Variants in SDK2 observed in about 807,000 individuals in gnomAD.
SDK2 encodes the protein protein sidekick-2.
A neutral mutation model predicts 253.9 loss-of-function variants in SDK2; 105 were observed. That is an observed-to-expected ratio of 0.41 (90% CI 0.35 to 0.49). The LOEUF is 0.49. SDK2 is among the 20% of genes least tolerant of loss of function. SDK2 has a pLI of 0.06. For missense variants in SDK2, 2,608 were observed against 3,003.0 expected (o/e 0.87, Z 3.07); for synonymous variants, 1,249 against 1,234.9 (o/e 1.01, Z -0.24).
At chr17:73,587,514 C>T (rs752889706) in intron 1 of SDK2, among the ~76,000 whole-genome samples, 1 of 152,240 alleles carries the variant, frequency 6.6e-6, no homozygotes, top group Non-Finnish European at 1.5e-5. Flanking sequence ...GTGGCTCGGG[C>T]CATCTCTGCA....
Position 73,383,755 on chromosome 17 carries a change from T to G in SDK2, c.4705+121A>C. ...GGATGGGAGGAGGGAGAGGCACACATGGAGGAGGGAGGCAAGGTTTCAGGT... is the reference window on the plus strand; with the variant it reads ...GGATGGGAGGAGGGAGAGGCACACAGGGAGGAGGGAGGCAAGGTTTCAGGT... On this transcript the variant is annotated intron_variant, in intron 33 of 44. Transcript: ENST00000392650. The surrounding 1 kb of genome is among the most constrained non-coding windows in gnomAD (Gnocchi z 4.3). The G allele has an allele frequency of 8.4e-7, 1 of 1,186,836 alleles. No individual in the cohort carries two copies. The highest frequency in any genetic ancestry group is 1.2e-6 in the Non-Finnish European group (1 of 826,110). The allele number at this position is 1,186,836 out of a possible 1,614,324, so 73.5% of individuals were successfully genotyped here. A position where few individuals can be genotyped will look rare whatever the true frequency, so the allele number is the denominator to read the frequency against.
At chr17:73,563,446 C>G (rs996870861) in intron 1 of SDK2, among the ~76,000 whole-genome samples, 1 of 152,104 alleles carries the variant, frequency 6.6e-6, no homozygotes, top group Non-Finnish European at 1.5e-5. Context: ...GGTGCGGTGG[C>G]ACACGGCTGT....
chr17:73,521,702 G>A (rs1387844330), intron 1 of SDK2, among the ~76,000 whole-genome samples: 2 of 152,210 alleles, frequency 1.3e-5, no homozygotes, highest in African/African-American at 4.8e-5. Context: ...TTTGCTAGAG[G>A]ATGGGAGTTG....
intron 2 of SDK2, among the ~76,000 whole-genome samples, chr17:73,480,742 G>T (rs1204452665): frequency 6.6e-6 from 1 of 152,078 alleles, no homozygotes; most frequent in Non-Finnish European, 1.5e-5. Context: ...CAGAGTCAGA[G>T]AAAGAGACAA....
intron 1 of SDK2, among the ~76,000 whole-genome samples, chr17:73,512,154 G>A (rs559683435): frequency 1.3e-5 from 2 of 152,254 alleles, no homozygotes; most frequent in South Asian, 4.2e-4. Context: ...CCTTGAGAAA[G>A]TTACTTAACC....
Position 73,437,984 on chromosome 17 carries a change from C to G in SDK2, c.896G>C (p.Gly299Ala). 1.3e-6 allele frequency: 2 copies of G among 1,550,958 alleles called. No homozygotes were observed. The highest frequency in any genetic ancestry group is 1.7e-6 in the Non-Finnish European group (2 of 1,146,636). ...CTCACCCAGCACTGAGAGGTAGGCG[C>G]CCCGGACAACAGAGGGGACGCTGCT... is the stretch of plus-strand genomic sequence containing the variant. Reference protein sequence around the residue: ...RSSSVPSVVRGAYLSVLEPPQ... With the variant: ...RSSSVPSVVRAAYLSVLEPPQ... Residue 299 changes from glycine (G) to alanine (A), a missense_variant, in exon 7 of 45, where the codon GGC (glycine) becomes GCC (alanine). Gly to Ala is a moderately conservative substitution (Grantham distance 60). Transcript: ENST00000392650.
rs1403791003 is a variant in SDK2 at position 73,435,392 on chromosome 17, G to A, written c.1195+58C>T. The A allele has an allele frequency of 6.7e-7, 1 of 1,485,544 alleles. No homozygotes were observed. Among genetic ancestry groups the A allele is most frequent in the Non-Finnish European group, 9.1e-7 (1 of 1,103,024 alleles). 92.0% of individuals were successfully genotyped at this position (1,485,544 alleles called of 1,614,324 possible). On this transcript the variant is annotated intron_variant, in intron 9 of 44. Coordinates refer to ENST00000392650, the MANE Select transcript of SDK2 (RefSeq NM_001144952.2). The surrounding 1 kb of genome is among the most constrained non-coding windows in gnomAD (Gnocchi z 5.7). ...AGAGGCCCCTCGGAAGACCTTGGAA[G>A]AAAGCTGCGTCCTGGGAAGAGGGGC...
At chr17:73,638,841 G>A (rs959596291) in intron 1 of SDK2, among the ~76,000 whole-genome samples, 8 of 138,614 alleles carry the variant, frequency 5.8e-5, no homozygotes, top group African/African-American at 1.1e-4. Flanking sequence ...ACAGGGTCTC[G>A]CTCTGTTGTG....
intron 2 of SDK2, among the ~76,000 whole-genome samples, chr17:73,506,766 G>A (rs1253300891): frequency 6.6e-6 from 1 of 152,232 alleles, no homozygotes; most frequent in Non-Finnish European, 1.5e-5. Flanking sequence ...AAAGGCTGGA[G>A]GCCAGGGTGG....
rs1004141224 is a variant in SDK2 at position 73,541,724 on chromosome 17, C to T, written c.65-34127G>A. Among the ~76,000 whole-genome samples the T allele has an allele frequency of 5.9e-5, 9 of 152,286 alleles. No individual in the cohort carries two copies. The highest frequency in any genetic ancestry group is 3.9e-4 in the East Asian group (2 of 5,186). On this transcript the variant is annotated intron_variant, in intron 1 of 44. Coordinates refer to ENST00000392650, the MANE Select transcript of SDK2 (RefSeq NM_001144952.2). This position sits in a 1 kb window ranked among gnomAD's most constrained non-coding sequence, Gnocchi z 4.3. ...GCACAGCGGCAGAAGGAAGGGGGCGCGGGGCGGAGTCACGCTGAGTGACAG... is the reference window on the plus strand; with the variant it reads ...GCACAGCGGCAGAAGGAAGGGGGCGTGGGGCGGAGTCACGCTGAGTGACAG...
intron 2 of SDK2, among the ~76,000 whole-genome samples, chr17:73,473,338 G>A (rs1160236582): frequency 6.6e-6 from 1 of 152,196 alleles, no homozygotes; most frequent in African/African-American, 2.4e-5. Context: ...AAGGGGACCG[G>A]GGTCCAGGGG....
Position 73,424,872 on chromosome 17 carries a change from A to G in SDK2, c.1584-780T>C, listed in dbSNP as rs56774188. On this transcript the variant is annotated intron_variant, in intron 12 of 44. Coordinates refer to ENST00000392650, the MANE Select transcript of SDK2 (RefSeq NM_001144952.2). ...GGCTCCCAGGACTATCTGGGTTTAC[A>G]TAATGTCAGATAACTAGGGAGAGTG... Among the ~76,000 whole-genome samples, 1,223 of 152,346 alleles carry G rather than the reference A, an allele frequency of 8.0e-3. 17 individuals are homozygous for G. The highest frequency in any genetic ancestry group is 0.028 in the African/African-American group (1,180 of 41,574).
At chr17:73,397,369 G>A (rs977626843) in intron 24 of SDK2, among the ~76,000 whole-genome samples, 13 of 152,188 alleles carry the variant, frequency 8.5e-5, no homozygotes, top group African/African-American at 2.4e-4. Flanking sequence ...GTGGACTTGC[G>A]GGTAAAGATT....
chr17:73,507,723 G>A (rs1405551084), intron 1 of SDK2, 126 bp from the exon 2 acceptor site: 19 of 1,013,566 alleles, frequency 1.9e-5, no homozygotes, highest in African/African-American at 1.6e-4. Context: ...CCAAGGTCCC[G>A]TGGCTGGGAG....
intron 1 of SDK2, among the ~76,000 whole-genome samples, chr17:73,547,471 G>A (rs907210065): frequency 5.3e-5 from 8 of 152,332 alleles, no homozygotes; most frequent in South Asian, 4.1e-4. Context: ...CTGCATGTAC[G>A]TTGCCAGCTC....
chr17:73,372,945 C>G (rs2062748788), intron 36 of SDK2, among the ~76,000 whole-genome samples: 1 of 152,166 alleles, frequency 6.6e-6, no homozygotes, highest in South Asian at 2.1e-4. Context: ...CATTAACTAT[C>G]ATCACCATGT....
intron 43 of SDK2, among the ~76,000 whole-genome samples, chr17:73,349,450 C>T (rs2145392259): frequency 6.6e-6 from 1 of 152,328 alleles, no homozygotes; most frequent in Non-Finnish European, 1.5e-5. Context: ...AGACAGGAGC[C>T]CTCTGGCCCA....
At position 73,390,310 on chromosome 17, in the gene SDK2, A is replaced by C; in HGVS notation, c.4169T>G (p.Leu1390Trp). 1 of 1,513,300 alleles carries C rather than the reference A, an allele frequency of 6.6e-7. No homozygotes were observed. The highest frequency in any genetic ancestry group is 8.9e-7 in the Non-Finnish European group (1 of 1,129,038). The allele number at this position is 1,513,300 out of a possible 1,614,324, so 93.7% of individuals were successfully genotyped here. ...RKGWGEAAEA[L>W]VVTTEKRDRP... ...ACCTCTCTTCTCGGTGGTCACCACC[A>C]AGGCCTCGGCAGCTTCTCCCCAGCC... The change falls in exon 29 of 45, where the codon TTG becomes TGG. Residue 1390 changes from leucine (L) to tryptophan (W), a missense_variant. Coordinates refer to ENST00000392650, the MANE Select transcript of SDK2 (RefSeq NM_001144952.2).
At chr17:73,345,568 A>G (rs1449345578) in intron 44 of SDK2, among the ~76,000 whole-genome samples, 1 of 152,162 alleles carries the variant, frequency 6.6e-6, no homozygotes, top group Non-Finnish European at 1.5e-5. Context: ...TGTTGAGTAA[A>G]TGCATCAAGG....
Sources: gnomAD v4.1 joint callset for allele counts (sites outside exome capture counted in the v4.1 genomes callset) on GRCh38, gnomAD v4.1.1 for gene constraint, Gnocchi (gnomAD v3.1) non-coding constraint, MANE v1.5 for transcripts, NCBI Gene and HGNC (gene_info 2026-07-23, HGNC 2026-07-21) for gene names.